FGF10: variants seen among roughly 807,000 people sequenced by gnomAD.
FGF10 encodes the protein fibroblast growth factor 10.
Under a neutral mutation model 19.8 loss-of-function variants are expected in FGF10, and 2 were observed. That is an observed-to-expected ratio of 0.10 (90% CI 0.04 to 0.32). FGF10 has a LOEUF of 0.32. FGF10 is among the 10% of genes least tolerant of loss of function. The probability of loss-of-function intolerance (pLI) is 1.00; values close to 1 mark genes in which losing one functional copy is unlikely to be tolerated. For synonymous variants in FGF10, 112 were observed against 94.0 expected (o/e 1.19, Z -1.10); for missense variants, 191 against 246.3 (o/e 0.78, Z 1.50).
chr5:44,310,316 A>G (rs1740181012), intron 2 of FGF10, 111 bp downstream of exon 2: 1 of 742,386 alleles, frequency 1.3e-6, no homozygotes, highest in South Asian at 1.5e-5. Context: ...CTGTGGCTCT[A>G]TTTACTAGCA....
At chr5:44,313,591 T>G (rs796885519) in intron 1 of FGF10, among the ~76,000 whole-genome samples, 78 of 147,248 alleles carry the variant, frequency 5.3e-4, no homozygotes, top group Middle Eastern at 6.8e-3. Flanking sequence ...AAAAAAGGTT[T>G]TTTTTTTTTT....
At chr5:44,351,843 A>G (rs1741240433) in intron 1 of FGF10, among the ~76,000 whole-genome samples, 1 of 151,588 alleles carries the variant, frequency 6.6e-6, no homozygotes, top group African/African-American at 2.4e-5. Flanking sequence ...TTCCTTTTTT[A>G]AATTACACAC....
chr5:44,318,968 A>G (rs147634649), intron 1 of FGF10, among the ~76,000 whole-genome samples: 1 of 152,200 alleles, frequency 6.6e-6, no homozygotes, highest in Non-Finnish European at 1.5e-5. Context: ...TTTCGAAGAA[A>G]TCTAGATATT....
intron 1 of FGF10, among the ~76,000 whole-genome samples, chr5:44,370,725 A>G (rs1741723387): frequency 6.6e-6 from 1 of 152,178 alleles, no homozygotes; most frequent in Admixed American, 6.5e-5. Flanking sequence ...CCCTATTACT[A>G]TGAGAGAAAC....
At chr5:44,367,679 T>C (rs988723864) in intron 1 of FGF10, among the ~76,000 whole-genome samples, 3 of 152,018 alleles carry the variant, frequency 2.0e-5, no homozygotes, top group Non-Finnish European at 4.4e-5. Flanking sequence ...ACATATAAAG[T>C]ACATAGGCCT....
Position 44,388,599 on chromosome 5 carries a change from G to T in FGF10, c.84C>A (p.Phe28Leu), listed in dbSNP as rs199806461. The T allele has an allele frequency of 6.2e-7, 1 of 1,614,160 alleles. No homozygotes were observed. The highest frequency in any genetic ancestry group is 8.5e-7 in the Non-Finnish European group (1 of 1,180,030). The change falls in exon 1 of 3, where the codon TTC becomes TTA. Residue 28 changes from phenylalanine (F) to leucine (L), a missense_variant. By Grantham distance (22) the Phe-to-Leu change is conservative (BLOSUM62 0). Transcript: ENST00000264664. ...GCCCCCFLLL[F>L]LVSSVPVTCQ... is the part of the protein sequence containing the mutation. ...AGGTGACAGGGACGGAAGACACCAA[G>T]AACAGCAACAAAAAGCAGCAGCAGC... is the stretch of plus-strand genomic sequence containing the variant.
In FGF10 at chr5:44,335,623, A is replaced by G. The variant is rs116750917; in HGVS notation, c.326-25093T>C. On this transcript the variant is annotated intron_variant, in intron 1 of 2. Transcript: ENST00000264664. ...ATTTATTTAGGTTAAATTATTTTTT[A>G]GCACATGGAAGCTAATTATGGAAAA... 2.5e-3 allele frequency among the ~76,000 whole-genome samples: 388 copies of G among 152,230 alleles called. 3 individuals are homozygous for G. The highest frequency in any genetic ancestry group is 9.0e-3 in the African/African-American group (376 of 41,566).
chr5:44,325,387 A>T (rs948825110), intron 1 of FGF10, among the ~76,000 whole-genome samples: 2 of 152,052 alleles, frequency 1.3e-5, no homozygotes, highest in Non-Finnish European at 2.9e-5. Context: ...ATTACTGGGT[A>T]TATACCCAAA....
chr5:44,364,110 C>G lies in FGF10; in HGVS notation c.325+24248G>C, dbSNP rs2111863013. ...AGACTTTCAAAACCCATCTGAGTTA[C>G]ATTTTCTTCTTTTGAAAATTAAATT... On this transcript the variant is annotated intron_variant, in intron 1 of 2. Coordinates refer to ENST00000264664, the MANE Select transcript of FGF10 (RefSeq NM_004465.2). 2.0e-5 allele frequency among the ~76,000 whole-genome samples: 3 copies of G among 151,990 alleles called. No homozygotes were observed. The Middle Eastern group carries it at 0.01, about 517-fold the overall frequency.
At chr5:44,334,778 C>T (rs1014743894) in intron 1 of FGF10, among the ~76,000 whole-genome samples, 1 of 151,996 alleles carries the variant, frequency 6.6e-6, no homozygotes, top group African/African-American at 2.4e-5. Context: ...TAATGCCTAG[C>T]GAAAGCTGGT....
At chr5:44,313,324 G>A (rs1441918975) in intron 1 of FGF10, among the ~76,000 whole-genome samples, 1 of 152,010 alleles carries the variant, frequency 6.6e-6, no homozygotes, top group East Asian at 1.9e-4. Context: ...TTTTTGTAAG[G>A]AATCACTCCA....
At chr5:44,354,050 G>A (rs1741291960) in intron 1 of FGF10, among the ~76,000 whole-genome samples, 1 of 151,150 alleles carries the variant, frequency 6.6e-6, no homozygotes, top group Non-Finnish European at 1.5e-5. Context: ...ACTCTCTCTG[G>A]AGTTCTTAGT....
At position 44,309,797 on chromosome 5, in the gene FGF10, G is replaced by T. The variant is rs149941024; in HGVS notation, c.429+630C>A. 2.6e-4 allele frequency among the ~76,000 whole-genome samples: 40 copies of T among 152,174 alleles called. No individual in the cohort carries two copies. In the East Asian group the frequency reaches 7.0e-3, roughly 26 times the overall value. On this transcript the variant is annotated intron_variant, in intron 2 of 2. Coordinates refer to ENST00000264664, the MANE Select transcript of FGF10 (RefSeq NM_004465.2). The stretch of plus-strand genomic sequence containing the variant: ...TGGTATTCCAAATACTTAACACCTG[G>T]TATGGAATATAGGCATGGATGTGCC...
chr5:44,300,382 C>T lies in FGF10; in HGVS notation c.*4613G>A, dbSNP rs1338241942. On this transcript the variant is annotated 3_prime_UTR_variant, in exon 3 of 3. Transcript: ENST00000264664. ...AAACTGAAAGAAACATTTATAACAT[C>T]ATATTGTGATACAGGTTGAAGTAGG... is the stretch of plus-strand genomic sequence containing the variant. Among the ~76,000 whole-genome samples, 1 of 152,058 alleles carries T rather than the reference C, an allele frequency of 6.6e-6. No homozygotes were observed. Among genetic ancestry groups the T allele is most frequent in the Admixed American group, 6.6e-5 (1 of 15,232 alleles).
rs532233661 is a variant in FGF10, at chr5:44,371,847, C to T, written c.325+16511G>A. 2.1e-3 allele frequency among the ~76,000 whole-genome samples: 326 copies of T among 152,180 alleles called. 2 individuals are homozygous for T. Among genetic ancestry groups the T allele is most frequent in the Non-Finnish European group, 3.9e-3 (262 of 68,010 alleles). On this transcript the variant is annotated intron_variant, in intron 1 of 2. Coordinates refer to ENST00000264664, the MANE Select transcript of FGF10 (RefSeq NM_004465.2). ...GATTATTTCATTTAATCCTCATAGACGGAATGAGAAAACAAAAGTTTAGAG... is the reference window on the plus strand; with the variant it reads ...GATTATTTCATTTAATCCTCATAGATGGAATGAGAAAACAAAAGTTTAGAG...
intron 1 of FGF10, among the ~76,000 whole-genome samples, chr5:44,377,695 G>T (rs553416641): frequency 2.0e-4 from 30 of 152,200 alleles, no homozygotes; most frequent in African/African-American, 7.0e-4. Context: ...TATCTGAAAT[G>T]CTTGGGATCA....
intron 1 of FGF10, among the ~76,000 whole-genome samples, chr5:44,344,871 A>G (rs1480036536): frequency 6.6e-6 from 1 of 150,656 alleles, no homozygotes; most frequent in Non-Finnish European, 1.5e-5. Flanking sequence ...GCACTTGTAT[A>G]TTCCTTGTAG....
At chr5:44,340,420 AGCACC>A (rs1481223905) in intron 1 of FGF10, among the ~76,000 whole-genome samples, 2 of 152,150 alleles carry the variant, frequency 1.3e-5, no homozygotes, top group African/African-American at 4.8e-5. Flanking sequence ...AAAAAGATAC[AGCACC>A]AACCTAATAG....
chr5:44,310,344 C>G, intron 2 of FGF10, 83 bp downstream of exon 2: 3 of 873,834 alleles, frequency 3.4e-6, no homozygotes, highest in Non-Finnish European at 5.7e-6. Context: ...GATAACAAAG[C>G]TATTCGGTGT....
Sources: allele counts gnomAD v4.1 joint callset (sites outside exome capture counted in the v4.1 genomes callset), GRCh38; gene constraint gnomAD v4.1.1; transcripts MANE v1.5; gene names NCBI Gene and HGNC (gene_info 2026-07-23, HGNC 2026-07-21).